The following CFAP47 variants were observed in gnomAD, a reference collection of about 807,000 sequenced individuals.
The protein encoded by CFAP47 is cilia and flagella associated protein 47.
In CFAP47, 29 loss-of-function variants were observed where a neutral mutation model predicts 148.1. The observed-to-expected ratio is 0.20, with a 90% CI of 0.15 to 0.27. CFAP47 has a LOEUF of 0.27. Among genes scored for constraint, CFAP47 ranks in the 10% least tolerant of loss-of-function variants. CFAP47 has a pLI of 1.00. For synonymous variants in CFAP47, 664 were observed against 577.3 expected (o/e 1.15, Z -2.15); for missense variants, 1,872 against 1,697.5 (o/e 1.10, Z -1.81).
chrX:36,166,521 C>A (rs1939492057), intron 39 of CFAP47, among the ~76,000 whole-genome samples: 1 of 110,885 alleles, frequency 9.0e-6, no homozygotes, highest in Admixed American at 9.6e-5. Flanking sequence ...TCCTTTACTT[C>A]TTTAATTATA....
At chrX:36,083,332 A>T (rs186231576) in intron 29 of CFAP47, among the ~76,000 whole-genome samples, 11 of 110,201 alleles carry the variant, frequency 1.0e-4, no homozygotes, top group Admixed American at 8.8e-4. Context: ...TATTACATAT[A>T]TACTTATATA....
chrX:36,012,941 C>A (rs1937055691), intron 21 of CFAP47, among the ~76,000 whole-genome samples: 1 of 110,623 alleles, frequency 9.0e-6, no homozygotes, highest in Non-Finnish European at 1.9e-5. Flanking sequence ...GGCACAAGGG[C>A]AAGTAAAAGT....
chrX:36,048,627 A>G (rs993777514), intron 26 of CFAP47, among the ~76,000 whole-genome samples: 1 of 111,663 alleles, frequency 9.0e-6, no homozygotes, highest in Non-Finnish European at 1.9e-5. Flanking sequence ...CCCATCCACA[A>G]TAATGTGCTC....
intron 40 of CFAP47, among the ~76,000 whole-genome samples, chrX:36,180,950 A>G (rs760783910): frequency 2.1e-4 from 24 of 112,357 alleles, no homozygotes; most frequent in Non-Finnish European, 4.1e-4. Context: ...TTACTGAAGT[A>G]TTGCTAAAAA....
intron 1 of CFAP47, among the ~76,000 whole-genome samples, chrX:35,924,592 C>CACAT (rs201888329): frequency 0.033 from 3,528 of 106,057 alleles, 189 homozygotes; most frequent in African/African-American, 0.12. Flanking sequence ...CATATATACA[C>CACAT]ACGTGCATGT....
At chrX:35,979,874 T>C (rs1181644040) in intron 15 of CFAP47, among the ~76,000 whole-genome samples, 1 of 112,159 alleles carries the variant, frequency 8.9e-6, no homozygotes, top group African/African-American at 3.2e-5. Flanking sequence ...TAGAGAAATA[T>C]TAATACAAGG....
At chrX:35,946,982 A>C (rs901667292) in intron 3 of CFAP47, among the ~76,000 whole-genome samples, 4 of 111,686 alleles carry the variant, frequency 3.6e-5, no homozygotes, top group Non-Finnish European at 7.5e-5. Flanking sequence ...TGCTTTCAGA[A>C]TAAGAATCTT....
At chrX:36,184,847 C>T (rs868970126) in intron 40 of CFAP47, among the ~76,000 whole-genome samples, 1 of 109,515 alleles carries the variant, frequency 9.1e-6, no homozygotes, top group Middle Eastern at 4.6e-3. Context: ...GCAGGAGAAT[C>T]ACTTGGACCT....
At chrX:36,106,742 C>A (rs762311336) in intron 33 of CFAP47, among the ~76,000 whole-genome samples, 2 of 111,714 alleles carry the variant, frequency 1.8e-5, no homozygotes, top group Admixed American at 9.5e-5. Flanking sequence ...ACATACTGTG[C>A]GGTTTCAACT....
At chrX:36,350,465 T>G (rs782375763) in intron 59 of CFAP47, among the ~76,000 whole-genome samples, 4 of 111,195 alleles carry the variant, frequency 3.6e-5, no homozygotes, top group Admixed American at 2.9e-4. Context: ...TTAGTCATCC[T>G]TTTTCGGCTT....
At chrX:36,174,124 C>T (rs1238512306) in intron 39 of CFAP47, among the ~76,000 whole-genome samples, 1 of 107,031 alleles carries the variant, frequency 9.3e-6, no homozygotes, top group Non-Finnish European at 1.9e-5. Context: ...GATTGCAACC[C>T]CTGCCTTTTT....
chrX:36,371,492 G>GGT (rs781803008), intron 62 of CFAP47, among the ~76,000 whole-genome samples: 85 of 103,474 alleles, frequency 8.2e-4, no homozygotes, highest in Non-Finnish European at 1.5e-3. Flanking sequence ...TGTAGGGCTG[G>GGT]GTGTGTGTAT....
intron 21 of CFAP47, among the ~76,000 whole-genome samples, chrX:36,002,246 G>A (rs1936923717): frequency 9.0e-6 from 1 of 111,346 alleles, no homozygotes; most frequent in Non-Finnish European, 1.9e-5. Flanking sequence ...ACTCTAGCAG[G>A]CTTTTGCTTC....
intron 49 of CFAP47, among the ~76,000 whole-genome samples, chrX:36,255,332 A>G (rs1175747535): frequency 8.9e-6 from 1 of 112,428 alleles, no homozygotes; most frequent in Non-Finnish European, 1.9e-5. Flanking sequence ...ACTTGTGGGA[A>G]AAAAAGGTAA....
At chrX:36,222,275 C>A (rs1206507064) in intron 45 of CFAP47, among the ~76,000 whole-genome samples, 1 of 111,078 alleles carries the variant, frequency 9.0e-6, no homozygotes, top group African/African-American at 3.3e-5. Context: ...TTTCCTTCCT[C>A]AATTCCTACT....
At chrX:35,954,362 A>G (rs1245027691) in intron 7 of CFAP47, among the ~76,000 whole-genome samples, 1 of 111,477 alleles carries the variant, frequency 9.0e-6, no homozygotes, top group East Asian at 2.8e-4. Flanking sequence ...AAAATGAACT[A>G]TACCAAGGAG....
chrX:36,171,615 T>C (rs957498138), intron 39 of CFAP47, among the ~76,000 whole-genome samples: 5 of 110,966 alleles, frequency 4.5e-5, no homozygotes, highest in African/African-American at 6.6e-5. Context: ...TGTAGATATG[T>C]GGCGTTATTT....
intron 39 of CFAP47, among the ~76,000 whole-genome samples, chrX:36,171,209 A>C (rs945709348): frequency 1.4e-4 from 15 of 106,303 alleles, no homozygotes; most frequent in East Asian, 8.9e-4. Flanking sequence ...CCTTTGTCAG[A>C]TGAGTAGGTT....
At chrX:36,116,573 T>A (rs1340272015) in intron 33 of CFAP47, among the ~76,000 whole-genome samples, 1 of 112,303 alleles carries the variant, frequency 8.9e-6, no homozygotes, top group Non-Finnish European at 1.9e-5. Context: ...AGTGGACATT[T>A]TAAAGCAGTG....
Sources: allele counts gnomAD v4.1 joint callset (sites outside exome capture counted in the v4.1 genomes callset), GRCh38; gene constraint gnomAD v4.1.1; transcripts MANE v1.5; gene names NCBI Gene and HGNC (gene_info 2026-07-23, HGNC 2026-07-21).